WNK3: variants seen among roughly 807,000 people sequenced by gnomAD.
The protein encoded by WNK3 is serine/threonine-protein kinase WNK3.
Under a neutral mutation model 116.7 loss-of-function variants are expected in WNK3, and 18 were observed. The observed-to-expected ratio is 0.15, with a 90% CI of 0.11 to 0.23. The LOEUF (loss-of-function observed/expected upper bound fraction) is 0.23, where lower values mean the gene tolerates loss of function less well. Among genes scored for constraint, WNK3 ranks in the 10% least tolerant of loss-of-function variants. The probability of loss-of-function intolerance (pLI) is 1.00; values close to 1 mark genes in which losing one functional copy is unlikely to be tolerated. For synonymous variants in WNK3, 404 were observed against 469.4 expected (o/e 0.86, Z 1.80); for missense variants, 993 against 1,323.8 (o/e 0.75, Z 3.88).
At chrX:54,293,074 C>A (rs1448028328) in intron 9 of WNK3, 37 bp from the exon 10 acceptor site, 2 of 1,192,314 alleles carry the variant, frequency 1.7e-6, no homozygotes, top group African/African-American at 1.8e-5. Flanking sequence ...TAAAGATAAA[C>A]TTTCCCATTT....
At chrX:54,292,787 A>G in intron 10 of WNK3, 101 bp downstream of exon 10, 1 of 854,531 alleles carries the variant, frequency 1.2e-6, no homozygotes, top group Non-Finnish European at 1.6e-6. Flanking sequence ...ACCTTTCTCT[A>G]AACTATAATG....
intron 2 of WNK3, among the ~76,000 whole-genome samples, chrX:54,312,162 T>A (rs1247178564): frequency 2.8e-5 from 3 of 108,680 alleles, no homozygotes; most frequent in Non-Finnish European, 3.8e-5. Flanking sequence ...TACAAAAAAA[T>A]AATAATAAAA....
intron 10 of WNK3, among the ~76,000 whole-genome samples, chrX:54,274,954 T>C (rs2068424498): frequency 1.0e-5 from 1 of 99,989 alleles, no homozygotes; most frequent in Admixed American, 1.2e-4. Flanking sequence ...GAGGCTACAG[T>C]AGACCATGAC....
At chrX:54,239,157 A>AAACAC in intron 17 of WNK3, 58 bp from the exon 18 acceptor site, 1 of 753,899 alleles carries the variant, frequency 1.3e-6, no homozygotes, top group Non-Finnish European at 1.8e-6. Context: ...AAACAAAACA[A>AAACAC]CCGAGAAAAA....
intron 10 of WNK3, among the ~76,000 whole-genome samples, chrX:54,265,335 A>G (rs28593446): frequency 0.014 from 1,524 of 110,897 alleles, 17 homozygotes; most frequent in African/African-American, 0.048. Flanking sequence ...GAAAGTACAA[A>G]AATTAGCCGG....
chrX:54,342,578 A>T (rs1277394513), intron 1 of WNK3, among the ~76,000 whole-genome samples: 7 of 110,432 alleles, frequency 6.3e-5, no homozygotes, highest in Non-Finnish European at 1.1e-4. Context: ...AAAAAAAAAA[A>T]TCTGAAAGCA....
chrX:54,223,357 A>G (rs1400567600), intron 22 of WNK3: 1 of 111,917 alleles, frequency 8.9e-6, no homozygotes, highest in Non-Finnish European at 1.9e-5. Flanking sequence ...GTGGAAGAAG[A>G]TGGCCCCCTC....
chrX:54,237,246 T>C (rs782644448), exon 20 of WNK3: 2 of 1,210,756 alleles, frequency 1.7e-6, no homozygotes, highest in Admixed American at 2.2e-5. Flanking sequence ...CTGAAGTTTC[T>C]TCAAATTCCT....
chrX:54,309,619 G>A (rs1293320341), intron 3 of WNK3, among the ~76,000 whole-genome samples: 1 of 111,366 alleles, frequency 9.0e-6, no homozygotes, highest in Non-Finnish European at 1.9e-5. Flanking sequence ...TGCAGCTTCC[G>A]CCTCCCAGGT....
At chrX:54,321,596 G>A (rs781885168) in intron 2 of WNK3, among the ~76,000 whole-genome samples, 35 of 111,436 alleles carry the variant, frequency 3.1e-4, no homozygotes, top group African/African-American at 9.8e-4. Flanking sequence ...AAGAAATCAC[G>A]GTATAATAGT....
intron 22 of WNK3, among the ~76,000 whole-genome samples, chrX:54,219,602 C>T (rs1023562051): frequency 5.1e-4 from 49 of 97,025 alleles, no homozygotes; most frequent in African/African-American, 1.5e-3. Context: ...CACTTGAACC[C>T]GGGAGGCGGA....
intron 15 of WNK3, among the ~76,000 whole-genome samples, chrX:54,250,511 A>T (rs1195547708): frequency 8.9e-6 from 1 of 112,109 alleles, no homozygotes; most frequent in East Asian, 2.8e-4. Flanking sequence ...TGTACACCAA[A>T]AGAAAATCAG....
chrX:54,312,446 C>CT (rs1163457690), intron 2 of WNK3, among the ~76,000 whole-genome samples: 1 of 110,710 alleles, frequency 9.0e-6, no homozygotes, highest in Non-Finnish European at 1.9e-5. Context: ...TTTCTCATTC[C>CT]TTTTTTTTCT....
chrX:54,337,342 A>G (rs1287845091), intron 1 of WNK3, among the ~76,000 whole-genome samples: 5 of 110,057 alleles, frequency 4.5e-5, no homozygotes, highest in Non-Finnish European at 9.5e-5. Context: ...TGGGTGGATC[A>G]TGAGGTCAGG....
chrX:54,235,675 C>T lies in WNK3; in HGVS notation c.4628+1263G>A, dbSNP rs782388163. On this transcript the variant is annotated intron_variant, in intron 20 of 23. Coordinates refer to ENST00000354646, the Ensembl canonical transcript of WNK3. The stretch of plus-strand genomic sequence containing the variant: ...AGTCCCAGAACAGTGTGGAAATTCT[C>T]TAAAGCATAAGATATATTCAAAAAT... Among the ~76,000 whole-genome samples, 253 of 111,908 alleles carry T rather than the reference C, an allele frequency of 2.3e-3. 2 individuals carry two copies. The highest frequency in any genetic ancestry group is 4.3e-3 in the Non-Finnish European group (229 of 53,215).
At chrX:54,204,013 T>C (rs2067526777) in intron 22 of WNK3, among the ~76,000 whole-genome samples, 1 of 111,758 alleles carries the variant, frequency 8.9e-6, no homozygotes, top group South Asian at 3.8e-4. Context: ...TGGAAGAAGA[T>C]ATTACTTAAT....
intron 2 of WNK3, among the ~76,000 whole-genome samples, chrX:54,319,363 A>C (rs1334000971): frequency 1.8e-5 from 2 of 110,680 alleles, no homozygotes; most frequent in Admixed American, 1.9e-4. Flanking sequence ...GGATTTCGCC[A>C]TGTTGCCCAG....
intron 2 of WNK3, among the ~76,000 whole-genome samples, chrX:54,318,778 GTCTTT>G (rs1364602521): frequency 9.1e-6 from 1 of 110,409 alleles, no homozygotes; most frequent in Non-Finnish European, 1.9e-5. Context: ...GGCCTAATAA[GTCTTT>G]TCTTTTTTTT....
intron 21 of WNK3, among the ~76,000 whole-genome samples, chrX:54,232,542 T>C (rs1306430250): frequency 1.8e-5 from 2 of 111,944 alleles, no homozygotes; most frequent in East Asian, 5.6e-4. Context: ...CAAAAATTAT[T>C]GTGGGGATTG....
Sources: gnomAD v4.1 joint callset for allele counts (sites outside exome capture counted in the v4.1 genomes callset) on GRCh38, gnomAD v4.1.1 for gene constraint, MANE v1.5 for transcripts, NCBI Gene and HGNC (gene_info 2026-07-23, HGNC 2026-07-21) for gene names.